Variants in LMAN1 observed in about 807,000 individuals in gnomAD.
LMAN1 encodes protein ERGIC-53.
Under a neutral mutation model 67.8 loss-of-function variants are expected in LMAN1, and 32 were observed. The ratio of observed to expected loss-of-function variants is 0.47; its 90% CI spans 0.36 to 0.63. LMAN1 has a LOEUF of 0.63. Ranked by LOEUF, LMAN1 falls within the 30% of genes least tolerant of loss-of-function variation. LMAN1 has a pLI of 0.00. For synonymous variants in LMAN1, 235 were observed against 219.3 expected, an observed-to-expected ratio of 1.07 and a Z score of -0.63; for missense variants, 632 against 628.2, an observed-to-expected ratio of 1.01 and a Z score of -0.06.
intron 3 of LMAN1, 35 bp from the exon 4 acceptor site, chr18:59,354,615 T>C (rs764007239): frequency 9.4e-7 from 1 of 1,065,408 alleles, no homozygotes; most frequent in East Asian, 2.4e-5. Context: ...AAAATGTCTT[T>C]AATCAAAGCA....
rs375014358 is a variant in LMAN1, at chr18:59,333,082, C to A, written c.1374+9G>T. 61 of 1,609,396 alleles carry A rather than the reference C, an allele frequency of 3.8e-5. No individual in the cohort carries two copies. The highest frequency in any genetic ancestry group is 4.6e-5 in the Non-Finnish European group (54 of 1,176,198). ...TTATAATTATAAAAGGAAAAGGAAA[C>A]AAAGTTACCATATTTCGCTGCACTA... On this transcript the variant is annotated intron_variant, in intron 11 of 12. Coordinates refer to ENST00000251047, the MANE Select transcript of LMAN1 (RefSeq NM_005570.4).
intron 6 of LMAN1, among the ~76,000 whole-genome samples, chr18:59,348,808 C>G (rs1317658879): frequency 1.3e-5 from 2 of 152,224 alleles, no homozygotes; most frequent in Non-Finnish European, 2.9e-5. Context: ...GATCTCCAGC[C>G]TTTAAGCCTG....
chr18:59,338,432 T>C, intron 10 of LMAN1, 125 bp downstream of exon 10: 2 of 753,368 alleles, frequency 2.7e-6, no homozygotes, highest in Non-Finnish European at 4.6e-6. Flanking sequence ...ATTTGTAAAA[T>C]GAATCTAGAA....
Position 59,359,221 on chromosome 18 carries a change from A to G in LMAN1, c.24T>C (p.Gly8=). The G allele has an allele frequency of 1.2e-6, 2 of 1,613,714 alleles. No individual in the cohort carries two copies. Among genetic ancestry groups the G allele is most frequent in the Non-Finnish European group, 1.7e-6 (2 of 1,179,834 alleles). MAGSRQR[G]LRARVRPLFC... is the part of the protein sequence containing the mutation. The stretch of plus-strand genomic sequence containing the variant: ...ACAGCGGCCGAACTCTGGCCCGGAG[A>G]CCCCTTTGCCTGGATCCCGCCATCT... Residue 8 remains glycine, a synonymous_variant, in exon 1 of 13, where the codon GGT becomes GGC. Transcript: ENST00000251047.
rs372450392 is a variant in LMAN1 at position 59,328,436 on chromosome 18, T to A, written c.*2657A>T. On this transcript the variant is annotated 3_prime_UTR_variant, in exon 13 of 13. Coordinates refer to ENST00000251047, the MANE Select transcript of LMAN1 (RefSeq NM_005570.4). ...TCTGGATTCAGTCTGTAGTTGCTCA[T>A]GAACCACGCGTTTTAATAAAAGGAA... 6.6e-6 allele frequency: 1 copy of A among 152,218 alleles called. No homozygotes were observed. Among genetic ancestry groups the A allele is most frequent in the African/African-American group, 2.4e-5 (1 of 41,458 alleles). 9.4% of individuals were successfully genotyped at this position (152,218 alleles called of 1,614,324 possible).
intron 10 of LMAN1, among the ~76,000 whole-genome samples, chr18:59,334,866 A>T (rs747467668): frequency 6.6e-6 from 1 of 152,132 alleles, no homozygotes; most frequent in Non-Finnish European, 1.5e-5. Flanking sequence ...GCTAAATCCT[A>T]AAGAAAAAGT....
At chr18:59,331,388 T>C (rs200372124) in intron 12 of LMAN1, 30 bp downstream of exon 12, 9 of 1,587,772 alleles carry the variant, frequency 5.7e-6, no homozygotes, top group Non-Finnish European at 7.8e-6. Flanking sequence ...TGCAGAAAAA[T>C]ATTGGGTCAC....
At chr18:59,346,207 C>CTTTTTTTTT (rs1568115701) in intron 7 of LMAN1, among the ~76,000 whole-genome samples, 156 bp from the exon 8 acceptor site, 2 of 125,384 alleles carry the variant, frequency 1.6e-5, no homozygotes, top group African/African-American at 6.2e-5. Flanking sequence ...TAGCAAATTA[C>CTTTTTTTTT]TCTTTTTTTT....
intron 1 of LMAN1, among the ~76,000 whole-genome samples, chr18:59,357,239 G>C (rs1908679718): frequency 6.6e-6 from 1 of 152,126 alleles, no homozygotes; most frequent in Non-Finnish European, 1.5e-5. Flanking sequence ...TTAATTTACT[G>C]GTACATTATC....
At position 59,351,840 on chromosome 18, in the gene LMAN1, C is replaced by T. The variant is rs181419953; in HGVS notation, c.639+1362G>A. 1.8e-4 allele frequency among the ~76,000 whole-genome samples: 28 copies of T among 152,194 alleles called. No individual in the cohort carries two copies. In the East Asian group the frequency reaches 4.8e-3, roughly 26 times the overall value. Reference sequence around the variant, plus strand: ...TACTGATGACTCTAATGAAACTGTACAGGGTGAATAATTATAGTGGAATTC... The same window carrying T: ...TACTGATGACTCTAATGAAACTGTATAGGGTGAATAATTATAGTGGAATTC... On this transcript the variant is annotated intron_variant, in intron 5 of 12. Coordinates refer to ENST00000251047, the MANE Select transcript of LMAN1 (RefSeq NM_005570.4).
At chr18:59,342,768 C>G (rs572032782) in intron 8 of LMAN1, among the ~76,000 whole-genome samples, 3 of 151,822 alleles carry the variant, frequency 2.0e-5, no homozygotes, top group Admixed American at 2.0e-4. Context: ...ATCACTCTTA[C>G]GTGTAATAAC....
chr18:59,338,757 C>T lies in LMAN1; in HGVS notation c.1149+3G>A, dbSNP rs1908219911. 6.2e-7 allele frequency: 1 copy of T among 1,613,922 alleles called. No individual in the cohort carries two copies. The highest frequency in any genetic ancestry group is 1.7e-5 in the Admixed American group (1 of 59,992). On this transcript the variant is annotated splice_donor_region_variant and intron_variant, in intron 9 of 12. Coordinates refer to ENST00000251047, the MANE Select transcript of LMAN1 (RefSeq NM_005570.4). Reference sequence around the variant, plus strand: ...GGCACATCTGCATATTCTGCAAGCCCACCTGCCCATGCTGCCCAGGCATTC... The same window carrying T: ...GGCACATCTGCATATTCTGCAAGCCTACCTGCCCATGCTGCCCAGGCATTC...
chr18:59,347,673 C>A, intron 6 of LMAN1, 102 bp from the exon 7 acceptor site: 2 of 889,056 alleles, frequency 2.2e-6, no homozygotes, highest in South Asian at 3.2e-5. Flanking sequence ...ATAACAATAA[C>A]CAGTGAGGGA....
chr18:59,346,504 C>T (rs900859807), intron 7 of LMAN1, among the ~76,000 whole-genome samples: 1 of 151,740 alleles, frequency 6.6e-6, no homozygotes, highest in Non-Finnish European at 1.5e-5. Flanking sequence ...GGATTACAGG[C>T]GTGAACCACC....
rs140144803 is a variant in LMAN1 at position 59,329,072 on chromosome 18, T to G, written c.*2021A>C. Reference sequence around the variant, plus strand: ...GATTGATTTTTCCACAGAGCAAACCTTTTTGTTCAGAAATGAGCTCCTTAA... The same window carrying G: ...GATTGATTTTTCCACAGAGCAAACCGTTTTGTTCAGAAATGAGCTCCTTAA... On this transcript the variant is annotated 3_prime_UTR_variant, in exon 13 of 13. Coordinates refer to ENST00000251047, the MANE Select transcript of LMAN1 (RefSeq NM_005570.4). The G allele has an allele frequency of 5.1e-4, 78 of 152,306 alleles. No individual in the cohort carries two copies. Among genetic ancestry groups the G allele is most frequent in the African/African-American group, 1.8e-3 (76 of 41,578 alleles). The allele number at this position is 152,306 out of a possible 1,614,324, so 9.4% of individuals were successfully genotyped here.
rs886054032 is a variant in LMAN1 at position 59,328,834 on chromosome 18, T to A, written c.*2259A>T. On this transcript the variant is annotated 3_prime_UTR_variant, in exon 13 of 13. Transcript: ENST00000251047. ...CTGAATAAAACATTCAAACAATTATTAGAACACAAATAGGTACATTAAATA... is the reference window on the plus strand; with the variant it reads ...CTGAATAAAACATTCAAACAATTATAAGAACACAAATAGGTACATTAAATA... The A allele has an allele frequency of 6.6e-6, 1 of 152,212 alleles. No individual in the cohort carries two copies. The highest frequency in any genetic ancestry group is 1.9e-4 in the East Asian group (1 of 5,206). The allele number at this position is 152,212 out of a possible 1,614,324, so 9.4% of individuals were successfully genotyped here. A position where few individuals can be genotyped will look rare whatever the true frequency, so the allele number is the denominator to read the frequency against.
chr18:59,330,736 G>A lies in LMAN1; in HGVS notation c.*357C>T, dbSNP rs1177005318. 4.7e-6 allele frequency: 1 copy of A among 213,624 alleles called. No homozygotes were observed. The highest frequency in any genetic ancestry group is 2.3e-5 in the African/African-American group (1 of 42,860). 13.2% of individuals were successfully genotyped at this position (213,624 alleles called of 1,614,324 possible). ...GACCTCATATTCTGGGAGGCATGAG[G>A]GCAAGTGTGTTTACGTTATACAGGG... is the stretch of plus-strand genomic sequence containing the variant. On this transcript the variant is annotated 3_prime_UTR_variant, in exon 13 of 13. Coordinates refer to ENST00000251047, the MANE Select transcript of LMAN1 (RefSeq NM_005570.4).
chr18:59,333,437 T>C (rs1908073619), intron 10 of LMAN1, 193 bp from the exon 11 acceptor site: 1 of 548,816 alleles, frequency 1.8e-6, no homozygotes, highest in East Asian at 3.1e-5. Flanking sequence ...TATGCCTTTA[T>C]ATTTTACTAA....
chr18:59,334,435 A>G (rs1452691715), intron 10 of LMAN1, among the ~76,000 whole-genome samples: 1 of 152,242 alleles, frequency 6.6e-6, no homozygotes, highest in Non-Finnish European at 1.5e-5. Context: ...CTCTACAAAG[A>G]AAGATGCATT....
Sources: allele counts gnomAD v4.1 joint callset (sites outside exome capture counted in the v4.1 genomes callset), GRCh38; gene constraint gnomAD v4.1.1; transcripts MANE v1.5; gene names NCBI Gene and HGNC (gene_info 2026-07-23, HGNC 2026-07-21).